The following RAD51B variants were observed in gnomAD, a reference collection of about 807,000 sequenced individuals.
RAD51B encodes DNA repair protein RAD51 homolog 2.
RAD51B carries 38 observed loss-of-function variants against 42.2 expected under a neutral mutation model. The observed-to-expected ratio is 0.90, with a 90% CI of 0.70 to 1.18. The LOEUF (loss-of-function observed/expected upper bound fraction) is 1.18, where lower values mean the gene tolerates loss of function less well. Among genes scored for constraint, RAD51B ranks in the 50% most tolerant of loss-of-function variants. The pLI is 0.00. For synonymous variants in RAD51B, 154 were observed against 145.2 expected, an observed-to-expected ratio of 1.06 and a Z score of -0.43; for missense variants, 373 against 400.7, an observed-to-expected ratio of 0.93 and a Z score of 0.59.
At chr14:68,612,861 G>A (rs1891726746), downstream of RAD51B, among the ~76,000 whole-genome samples, 1 of 151,522 alleles carries the variant, frequency 6.6e-6, no homozygotes, top group Non-Finnish European at 1.5e-5. Flanking sequence ...GGGGAAGGGA[G>A]GAAGGGGGAG....
At chr14:67,986,919 A>G (rs766944903) in intron 7 of RAD51B, among the ~76,000 whole-genome samples, 27 of 152,212 alleles carry the variant, frequency 1.8e-4, no homozygotes, top group Non-Finnish European at 3.4e-4. Context: ...TTTAGTAGAG[A>G]TGGGATTTTA....
At chr14:68,002,299 G>T (rs560580521) in intron 7 of RAD51B, among the ~76,000 whole-genome samples, 1 of 152,258 alleles carries the variant, frequency 6.6e-6, no homozygotes, top group Non-Finnish European at 1.5e-5. Flanking sequence ...ATGATGTGGA[G>T]CTTTTTGTTA....
At chr14:68,571,551 GA>G (rs1889701349) in intron 10 of RAD51B, among the ~76,000 whole-genome samples, 1 of 152,158 alleles carries the variant, frequency 6.6e-6, no homozygotes, top group African/African-American at 2.4e-5. Flanking sequence ...CTCTGACTTG[GA>G]TTCCTCTTCT....
At chr14:68,099,337 G>T (rs2077249944) in intron 7 of RAD51B, among the ~76,000 whole-genome samples, 1 of 152,202 alleles carries the variant, frequency 6.6e-6, no homozygotes. Flanking sequence ...GGTTATAGAT[G>T]TCTGTGAAAT....
At chr14:68,480,234 G>A (rs572224918), downstream of RAD51B, among the ~76,000 whole-genome samples, 67 of 152,080 alleles carry the variant, frequency 4.4e-4, no homozygotes, top group Non-Finnish European at 6.3e-4. Flanking sequence ...CACCATGCCC[G>A]GTTAACTTTT....
intron 7 of RAD51B, among the ~76,000 whole-genome samples, chr14:68,052,829 C>T (rs2076416008): frequency 1.3e-5 from 2 of 149,856 alleles, no homozygotes; most frequent in Non-Finnish European, 3.0e-5. Flanking sequence ...AGACAGGTTT[C>T]ACCACGTTGG....
chr14:68,298,831 G>C (rs1484447528), intron 8 of RAD51B, among the ~76,000 whole-genome samples: 1 of 152,152 alleles, frequency 6.6e-6, no homozygotes. Flanking sequence ...CTCTAGGTCA[G>C]AGATCATAAA....
At chr14:68,397,876 C>A (rs2083970645) in intron 8 of RAD51B, among the ~76,000 whole-genome samples, 1 of 152,210 alleles carries the variant, frequency 6.6e-6, no homozygotes, top group South Asian at 2.1e-4. Flanking sequence ...ATTGCCTCCA[C>A]CAAATGTCAA....
intron 7 of RAD51B, among the ~76,000 whole-genome samples, chr14:68,201,624 C>G (rs1215196953): frequency 1.3e-5 from 2 of 152,154 alleles, no homozygotes; most frequent in Non-Finnish European, 2.9e-5. Context: ...TCCTACCTGT[C>G]AAGCGAAGAT....
intron 7 of RAD51B, among the ~76,000 whole-genome samples, chr14:68,245,834 C>CCTGAA (rs2141011096): frequency 6.6e-6 from 1 of 152,192 alleles, no homozygotes; most frequent in African/African-American, 2.4e-5. Flanking sequence ...TGAGAATGGG[C>CCTGAA]CTGACCCTCA....
chr14:68,283,225 T>G (rs1018457702), intron 7 of RAD51B, among the ~76,000 whole-genome samples: 1 of 152,044 alleles, frequency 6.6e-6, no homozygotes, highest in Non-Finnish European at 1.5e-5. Flanking sequence ...TAAAAACACC[T>G]AAAAAGGTCA....
intron 8 of RAD51B, among the ~76,000 whole-genome samples, chr14:68,391,561 C>T (rs968849115): frequency 3.3e-5 from 5 of 152,106 alleles, no homozygotes; most frequent in African/African-American, 1.2e-4. Context: ...CTGAGGTCCT[C>T]AGAGAGAGCA....
intron 8 of RAD51B, among the ~76,000 whole-genome samples, chr14:68,335,105 T>C (rs1223519672): frequency 1.3e-5 from 2 of 150,610 alleles, no homozygotes; most frequent in Non-Finnish European, 3.0e-5. Flanking sequence ...GAGACCAGCC[T>C]GGCCAACATA....
At chr14:68,005,390 T>TCAC (rs1287117065) in intron 7 of RAD51B, among the ~76,000 whole-genome samples, 1 of 152,194 alleles carries the variant, frequency 6.6e-6, no homozygotes, top group African/African-American at 2.4e-5. Flanking sequence ...CCTTCTAGTT[T>TCAC]TAGCCTAGTG....
intron 9 of RAD51B, among the ~76,000 whole-genome samples, chr14:68,455,267 A>G (rs1020770952): frequency 3.3e-5 from 5 of 152,242 alleles, no homozygotes; most frequent in Admixed American, 1.3e-4. Context: ...AGAATTCTAT[A>G]TCCAGCAATA....
chr14:68,654,948 C>G (rs1335263883), intron 11 of RAD51B, among the ~76,000 whole-genome samples: 1 of 152,126 alleles, frequency 6.6e-6, no homozygotes, highest in Non-Finnish European at 1.5e-5. Flanking sequence ...CCCTCCCCCC[C>G]TGCCTTCCCA....
intron 5 of RAD51B, among the ~76,000 whole-genome samples, chr14:67,865,847 C>G (rs1315222095): frequency 6.6e-6 from 1 of 152,182 alleles, no homozygotes; most frequent in Non-Finnish European, 1.5e-5. Flanking sequence ...CTAAATTGGT[C>G]TTTTTATAAA....
At chr14:68,468,133 T>A (rs199609979) in intron 9 of RAD51B, 39 bp from the exon 10 acceptor site, 1 of 1,572,764 alleles carries the variant, frequency 6.4e-7, no homozygotes, top group Non-Finnish European at 8.8e-7. Context: ...CCATCCCTGA[T>A]CCTTTGACTA....
At chr14:68,319,562 C>A (rs1479187034) in intron 8 of RAD51B, among the ~76,000 whole-genome samples, 1 of 152,126 alleles carries the variant, frequency 6.6e-6, no homozygotes, top group East Asian at 1.9e-4. Flanking sequence ...ATTTTTTTAT[C>A]TTCTTGTAGC....
Sources: gnomAD v4.1 joint callset for allele counts (sites outside exome capture counted in the v4.1 genomes callset) on GRCh38, gnomAD v4.1.1 for gene constraint, MANE v1.5 for transcripts, NCBI Gene and HGNC (gene_info 2026-07-23, HGNC 2026-07-21) for gene names.